The following ASTN2 variants were observed in gnomAD, a reference collection of about 807,000 sequenced individuals.
The protein encoded by ASTN2 is astrotactin 2.
ASTN2 carries 54 observed loss-of-function variants against 139.8 expected under a neutral mutation model. That is an observed-to-expected ratio of 0.39 (90% confidence interval 0.31 to 0.48). The LOEUF (loss-of-function observed/expected upper bound fraction) is 0.48. ASTN2 is among the 20% of genes least tolerant of loss of function. ASTN2 has a pLI of 0.95. For missense variants in ASTN2, 1,565 were observed against 1,725.1 expected, an observed-to-expected ratio of 0.91 and a Z score of 1.64; for synonymous variants, 756 against 719.5, an observed-to-expected ratio of 1.05 and a Z score of -0.81.
At chr9:117,237,530 A>T (rs1207059370) in intron 2 of ASTN2, among the ~76,000 whole-genome samples, 4 of 152,156 alleles carry the variant, frequency 2.6e-5, no homozygotes, top group African/African-American at 9.7e-5. Flanking sequence ...CCCAGCCTGG[A>T]GTGCAATGGT....
At chr9:116,538,341 C>A (rs553877751) in intron 19 of ASTN2, among the ~76,000 whole-genome samples, 1 of 150,964 alleles carries the variant, frequency 6.6e-6, no homozygotes, top group Non-Finnish European at 1.5e-5. Context: ...AGGAAAGAAG[C>A]GAGGAAGAAA....
At chr9:117,338,707 T>C (rs369287728) in intron 1 of ASTN2, among the ~76,000 whole-genome samples, 6 of 152,122 alleles carry the variant, frequency 3.9e-5, no homozygotes, top group African/African-American at 1.4e-4. Flanking sequence ...TGAATACGGG[T>C]GGATTATTGG....
chr9:116,854,669 T>C (rs1832692048), intron 11 of ASTN2, among the ~76,000 whole-genome samples: 1 of 150,990 alleles, frequency 6.6e-6, no homozygotes, highest in Non-Finnish European at 1.5e-5. Flanking sequence ...TTTTTTTTTT[T>C]TGAGACAAGT....
chr9:116,558,667 G>A (rs994021269), intron 19 of ASTN2, among the ~76,000 whole-genome samples: 3 of 152,060 alleles, frequency 2.0e-5, no homozygotes, highest in Non-Finnish European at 4.4e-5. Context: ...GTCAAGCCAC[G>A]GGTTCTGACA....
intron 20 of ASTN2, among the ~76,000 whole-genome samples, chr9:116,468,821 G>A (rs963251384): frequency 3.9e-5 from 6 of 152,154 alleles, no homozygotes; most frequent in Non-Finnish European, 7.3e-5. Context: ...TTCATCATCC[G>A]AATTTGTTCC....
chr9:116,654,294 C>T (rs1013569084), intron 16 of ASTN2, among the ~76,000 whole-genome samples: 13 of 152,170 alleles, frequency 8.5e-5, no homozygotes, highest in African/African-American at 3.1e-4. Flanking sequence ...GTAGTTACAA[C>T]AAAGACTCTA....
At chr9:116,956,269 A>AT (rs1025025238) in intron 10 of ASTN2, among the ~76,000 whole-genome samples, 12 of 146,506 alleles carry the variant, frequency 8.2e-5, no homozygotes, top group Non-Finnish European at 1.2e-4. Flanking sequence ...CTAATTTTGT[A>AT]TTTTTTTTTA....
Position 117,096,148 on chromosome 9 carries a change from C to T in ASTN2, c.1172G>A (p.Gly391Glu). Residue 391 changes from glycine (G) to glutamate (E), a missense_variant, in exon 5 of 23, where the codon GGA becomes GAA. Gly to Glu is a moderately conservative substitution (Grantham distance 98). Coordinates refer to ENST00000313400, the MANE Select transcript of ASTN2 (RefSeq NM_001365068.1). ...CCCCTTGGCTCTCCCAAAGCTGATT[C>T]CTCCTGTGAGTAAGCACAGTCTATC... ...KRKRRSKSRG[G>E]ISFGRAKGTS... 1 of 1,613,680 alleles carries T rather than the reference C, an allele frequency of 6.2e-7. No homozygotes were observed. Among genetic ancestry groups the T allele is most frequent in the Non-Finnish European group, 8.5e-7 (1 of 1,179,696 alleles).
chr9:117,157,239 G>A (rs1326660233), intron 3 of ASTN2, among the ~76,000 whole-genome samples: 7 of 151,802 alleles, frequency 4.6e-5, no homozygotes, highest in African/African-American at 7.3e-5. Flanking sequence ...CCCCTAAGCT[G>A]TATTTGAACA....
intron 2 of ASTN2, among the ~76,000 whole-genome samples, chr9:117,226,830 G>T (rs774204337): frequency 2.6e-5 from 4 of 152,162 alleles, no homozygotes; most frequent in South Asian, 2.1e-4. Context: ...GCAGAATGAA[G>T]AGCCTTCATC....
intron 1 of ASTN2, among the ~76,000 whole-genome samples, chr9:117,350,176 G>A (rs1422982465): frequency 1.3e-5 from 2 of 152,064 alleles, no homozygotes; most frequent in African/African-American, 2.4e-5. Context: ...AAAATTAAAA[G>A]TCTAAGAAAA....
At chr9:116,517,010 C>A (rs755294341) in intron 19 of ASTN2, among the ~76,000 whole-genome samples, 2 of 152,188 alleles carry the variant, frequency 1.3e-5, no homozygotes, top group African/African-American at 2.4e-5. Flanking sequence ...TCCCTGCCCC[C>A]ACCTGGTGTT....
chr9:116,798,961 T>A (rs1283799686), intron 13 of ASTN2, among the ~76,000 whole-genome samples: 1 of 151,820 alleles, frequency 6.6e-6, no homozygotes, highest in East Asian at 1.9e-4. Context: ...TTCCTTTTAT[T>A]CATAAAGCCA....
chr9:116,951,856 T>G (rs968452697), intron 10 of ASTN2, among the ~76,000 whole-genome samples: 1 of 152,210 alleles, frequency 6.6e-6, no homozygotes, highest in African/African-American at 2.4e-5. Context: ...GACAAAATAT[T>G]TTGAAACTTG....
intron 20 of ASTN2, among the ~76,000 whole-genome samples, chr9:116,459,510 A>G (rs368772398): frequency 1.3e-5 from 2 of 152,110 alleles, no homozygotes; most frequent in African/African-American, 4.8e-5. Context: ...CAGATTTCAT[A>G]TCTCATAAAG....
chr9:116,463,514 A>G (rs904552231), intron 20 of ASTN2, among the ~76,000 whole-genome samples: 1 of 152,154 alleles, frequency 6.6e-6, no homozygotes, highest in African/African-American at 2.4e-5. Flanking sequence ...CCCTCAGCCT[A>G]TGGGCTTTTG....
chr9:117,255,378 C>T (rs1317638597), intron 2 of ASTN2, among the ~76,000 whole-genome samples: 3 of 152,222 alleles, frequency 2.0e-5, no homozygotes, highest in Admixed American at 6.5e-5. Context: ...ACCTTACACA[C>T]AGAAGCACTT....
intron 3 of ASTN2, among the ~76,000 whole-genome samples, chr9:117,212,483 G>A (rs1239582772): frequency 6.6e-6 from 1 of 151,928 alleles, no homozygotes; most frequent in Non-Finnish European, 1.5e-5. Flanking sequence ...CCTACAGAAT[G>A]GGAGAAAATA....
chr9:116,942,080 ACG>A (rs1835252459), intron 10 of ASTN2, among the ~76,000 whole-genome samples: 3 of 35,266 alleles, frequency 8.5e-5, no homozygotes, highest in Admixed American at 3.2e-4. Flanking sequence ...AAGTGCACGT[ACG>A]CACGCACGCA....
Sources: gnomAD v4.1 joint callset for allele counts (sites outside exome capture counted in the v4.1 genomes callset) on GRCh38, gnomAD v4.1.1 for gene constraint, MANE v1.5 for transcripts, NCBI Gene and HGNC (gene_info 2026-07-23, HGNC 2026-07-21) for gene names.